ADK: variants seen among roughly 807,000 people sequenced by gnomAD.
ADK encodes the protein N6,N6-dimethyladenosine kinase.
Under a neutral mutation model 44.7 loss-of-function variants are expected in ADK, and 24 were observed. The observed-to-expected ratio is 0.54, with a 90% confidence interval of 0.39 to 0.76. ADK has a LOEUF of 0.76. ADK is among the 30% of genes least tolerant of loss of function. The pLI is 0.00. For missense variants in ADK, 321 were observed against 425.1 expected (o/e 0.76, Z 2.15); for synonymous variants, 128 against 142.6 (o/e 0.90, Z 0.73).
At chr10:74,378,814 T>C (rs937438658) in intron 4 of ADK, among the ~76,000 whole-genome samples, 1 of 151,950 alleles carries the variant, frequency 6.6e-6, no homozygotes, top group Non-Finnish European at 1.5e-5. Flanking sequence ...CAAAATCCAG[T>C]AGGGAGCCGG....
intron 9 of ADK, among the ~76,000 whole-genome samples, chr10:74,664,351 T>C (rs1348966428): frequency 6.6e-6 from 1 of 152,142 alleles, no homozygotes; most frequent in Non-Finnish European, 1.5e-5. Flanking sequence ...TGTATATGCA[T>C]AGAAAAATTC....
intron 3 of ADK, among the ~76,000 whole-genome samples, chr10:74,236,237 C>T (rs999469368): frequency 6.6e-6 from 1 of 152,116 alleles, no homozygotes; most frequent in Non-Finnish European, 1.5e-5. Flanking sequence ...AATGAGCGAA[C>T]TGATTTCAAC....
chr10:74,432,060 G>A (rs1484210910), intron 6 of ADK, among the ~76,000 whole-genome samples: 4 of 151,996 alleles, frequency 2.6e-5, no homozygotes, highest in African/African-American at 9.7e-5. Flanking sequence ...TAGACATGGT[G>A]GCTTGTGCCT....
At chr10:74,532,874 C>A (rs1011903509) in intron 7 of ADK, among the ~76,000 whole-genome samples, 7 of 125,552 alleles carry the variant, frequency 5.6e-5, no homozygotes, top group Non-Finnish European at 1.1e-4. Context: ...GAGCCGAGAT[C>A]ATGCCACTGC....
chr10:74,707,143 C>T (rs1248239912), intron 10 of ADK, among the ~76,000 whole-genome samples: 1 of 152,142 alleles, frequency 6.6e-6, no homozygotes, highest in Non-Finnish European at 1.5e-5. Context: ...TTAAGCAATC[C>T]TCTCACCTCA....
intron 4 of ADK, among the ~76,000 whole-genome samples, chr10:74,345,265 G>A (rs1027450648): frequency 6.6e-6 from 1 of 151,158 alleles, no homozygotes; most frequent in South Asian, 2.1e-4. Flanking sequence ...CATTAATATA[G>A]CCACTTTGTC....
At chr10:74,439,815 A>C (rs1302699649) in intron 6 of ADK, among the ~76,000 whole-genome samples, 2 of 152,074 alleles carry the variant, frequency 1.3e-5, no homozygotes, top group African/African-American at 4.8e-5. Flanking sequence ...CTCAATTTGA[A>C]ATAATCACAG....
chr10:74,199,612 C>T (rs1459543044), intron 1 of ADK, among the ~76,000 whole-genome samples: 1 of 152,094 alleles, frequency 6.6e-6, no homozygotes, highest in Non-Finnish European at 1.5e-5. Flanking sequence ...AAGTTGATTC[C>T]ATGTCTTTGC....
chr10:74,668,167 T>A (rs1048200194), intron 9 of ADK, among the ~76,000 whole-genome samples: 10 of 152,214 alleles, frequency 6.6e-5, no homozygotes, highest in African/African-American at 2.4e-4. Flanking sequence ...TAGTTGTTAT[T>A]TCCCTGTATA....
At chr10:74,432,884 A>T (rs1318182089) in intron 6 of ADK, among the ~76,000 whole-genome samples, 1 of 152,186 alleles carries the variant, frequency 6.6e-6, no homozygotes, top group East Asian at 1.9e-4. Context: ...AAAAGAGTAG[A>T]TAAACTGATG....
intron 6 of ADK, among the ~76,000 whole-genome samples, chr10:74,414,798 A>C (rs967052584): frequency 1.3e-5 from 2 of 152,172 alleles, no homozygotes; most frequent in African/African-American, 2.4e-5. Flanking sequence ...TTCTTCAATA[A>C]ATAAAATTCT....
rs552044113 is a variant in ADK, at chr10:74,479,413, T to A, written c.556-45843T>A. Among the ~76,000 whole-genome samples the A allele has an allele frequency of 4.8e-3, 720 of 149,308 alleles. 8 individuals are homozygous for A. Among genetic ancestry groups the A allele is most frequent in the African/African-American group, 0.017 (673 of 40,684 alleles). On this transcript the variant is annotated intron_variant, in intron 6 of 10. Transcript: ENST00000539909. ...TTTGTTGGTTTTTTTTTTTTTTTCATTTTTTTTCTCCCTACCCCTCTCTTT... is the reference window on the plus strand; with the variant it reads ...TTTGTTGGTTTTTTTTTTTTTTTCAATTTTTTTCTCCCTACCCCTCTCTTT...
intron 2 of ADK, among the ~76,000 whole-genome samples, chr10:74,220,649 G>A (rs1844268884): frequency 6.6e-6 from 1 of 152,182 alleles, no homozygotes; most frequent in South Asian, 2.1e-4. Context: ...GAATCCAGCA[G>A]CACATCAAAA....
At chr10:74,441,713 G>T (rs1157361322) in intron 6 of ADK, among the ~76,000 whole-genome samples, 1 of 151,990 alleles carries the variant, frequency 6.6e-6, no homozygotes, top group Non-Finnish European at 1.5e-5. Flanking sequence ...AAACAAAATT[G>T]TATCTATATC....
chr10:74,355,179 A>G (rs1842093940), intron 4 of ADK, among the ~76,000 whole-genome samples: 2 of 152,180 alleles, frequency 1.3e-5, no homozygotes, highest in African/African-American at 2.4e-5. Context: ...CTAAGCTCAC[A>G]TGGCAAGGTA....
At chr10:74,485,816 A>G (rs1456159735) in intron 6 of ADK, among the ~76,000 whole-genome samples, 1 of 152,200 alleles carries the variant, frequency 6.6e-6, no homozygotes, top group Non-Finnish European at 1.5e-5. Context: ...ATGTTTATTT[A>G]TTAGAAGACT....
chr10:74,470,588 C>CGGTTTTTT (rs1288257945), intron 6 of ADK, among the ~76,000 whole-genome samples: 224 of 20,604 alleles, frequency 0.011, no homozygotes, highest in Non-Finnish European at 0.02. Flanking sequence ...CATTCTGTAT[C>CGGTTTTTT]TTCTTTGAAA....
intron 9 of ADK, chr10:74,655,688 C>T (rs1370429793): frequency 6.3e-6 from 3 of 473,370 alleles, no homozygotes; most frequent in Non-Finnish European, 1.3e-5. Flanking sequence ...AGGACATATC[C>T]GTGGCAGAGC....
intron 2 of ADK, among the ~76,000 whole-genome samples, chr10:74,209,594 G>C (rs934267905): frequency 2.0e-5 from 3 of 151,570 alleles, no homozygotes; most frequent in African/African-American, 7.3e-5. Flanking sequence ...AAATTCATTT[G>C]ATAAAATATT....
Sources: allele counts gnomAD v4.1 joint callset (sites outside exome capture counted in the v4.1 genomes callset), GRCh38; gene constraint gnomAD v4.1.1; transcripts MANE v1.5; gene names NCBI Gene and HGNC (gene_info 2026-07-23, HGNC 2026-07-21).